Variants in CCDC148 observed in about 807,000 individuals in gnomAD.
CCDC148 encodes the protein coiled-coil domain containing 148.
In CCDC148, 89 loss-of-function variants were observed where a neutral mutation model predicts 85.7. That is an observed-to-expected ratio of 1.04 (90% confidence interval 0.87 to 1.24). CCDC148 has a LOEUF of 1.24. Ranked by LOEUF, CCDC148 falls within the 50% of genes most tolerant of loss-of-function variation. The probability of loss-of-function intolerance (pLI) is 0.00; values close to 1 mark genes in which losing one functional copy is unlikely to be tolerated. For missense variants in CCDC148, 692 were observed against 671.7 expected (o/e 1.03, Z -0.33); for synonymous variants, 230 against 213.9 (o/e 1.08, Z -0.66).
intron 1 of CCDC148, among the ~76,000 whole-genome samples, chr2:158,410,344 ATATT>A (rs1250101285): frequency 2.0e-5 from 3 of 152,164 alleles, no homozygotes; most frequent in African/African-American, 7.2e-5. Flanking sequence ...TAATCCATTT[ATATT>A]TAATGTAATT....
intron 3 of CCDC148, among the ~76,000 whole-genome samples, chr2:158,341,968 A>T: frequency 1.5e-5 from 2 of 135,806 alleles, no homozygotes; most frequent in Admixed American, 7.4e-5. Flanking sequence ...AGTTTTCATA[A>T]TTATCATTTA....
intron 10 of CCDC148, among the ~76,000 whole-genome samples, chr2:158,248,871 G>A (rs1042262783): frequency 6.6e-6 from 1 of 152,056 alleles, no homozygotes; most frequent in Non-Finnish European, 1.5e-5. Flanking sequence ...CCCTTTGGGT[G>A]CCTCAGCCAT....
intron 1 of CCDC148, among the ~76,000 whole-genome samples, chr2:158,416,614 C>A (rs1293826951): frequency 1.3e-5 from 2 of 152,214 alleles, no homozygotes; most frequent in Non-Finnish European, 2.9e-5. Context: ...CCACCTGAGA[C>A]CACATCAGCC....
chr2:158,439,657 G>A (rs1293635220), intron 1 of CCDC148, among the ~76,000 whole-genome samples: 1 of 151,982 alleles, frequency 6.6e-6, no homozygotes, highest in Non-Finnish European at 1.5e-5. Context: ...ATAGTTACAT[G>A]ACATTAGCCA....
In CCDC148 at chr2:158,327,576, A is replaced by T. The variant is rs1463893761; in HGVS notation, c.764+11150T>A. 2.0e-5 allele frequency among the ~76,000 whole-genome samples: 3 copies of T among 152,174 alleles called. No homozygotes were observed. In the East Asian group the frequency reaches 5.8e-4, roughly 29 times the overall value. ...GTCTGAGCCCAAATCACATCCATTG[A>T]CTGATCTGTTCATGGCAACATGCTA... On this transcript the variant is annotated intron_variant, in intron 7 of 13. Transcript: ENST00000283233.
chr2:158,206,777 T>A (rs1266154289), intron 11 of CCDC148, among the ~76,000 whole-genome samples: 1 of 152,134 alleles, frequency 6.6e-6, no homozygotes, highest in Non-Finnish European at 1.5e-5. Flanking sequence ...TAGTCCAGAG[T>A]GCCCATGTAT....
intron 1 of CCDC148, among the ~76,000 whole-genome samples, chr2:158,397,545 G>A (rs1685577838): frequency 6.6e-6 from 1 of 152,164 alleles, no homozygotes; most frequent in South Asian, 2.1e-4. Flanking sequence ...ATAAGTGAAG[G>A]AGAAATAAAA....
chr2:158,368,606 T>C (rs1298918798), intron 1 of CCDC148, among the ~76,000 whole-genome samples: 1 of 152,076 alleles, frequency 6.6e-6, no homozygotes, highest in Non-Finnish European at 1.5e-5. Flanking sequence ...TTAGATCTAC[T>C]CAATTATGGA....
intron 1 of CCDC148, among the ~76,000 whole-genome samples, chr2:158,360,876 C>T (rs1165327107): frequency 6.6e-6 from 1 of 151,610 alleles, no homozygotes; most frequent in Non-Finnish European, 1.5e-5. Context: ...AACAAACTCC[C>T]CCAAGCTAAA....
intron 9 of CCDC148, among the ~76,000 whole-genome samples, chr2:158,252,856 A>G (rs1261197344): frequency 6.6e-6 from 1 of 151,668 alleles, no homozygotes; most frequent in Non-Finnish European, 1.5e-5. Flanking sequence ...CCTATGTTAA[A>G]CTCTTTAAGA....
chr2:158,276,812 A>C (rs1280313724), intron 9 of CCDC148, among the ~76,000 whole-genome samples: 3 of 152,256 alleles, frequency 2.0e-5, no homozygotes, highest in Non-Finnish European at 4.4e-5. Flanking sequence ...AAGGCCACTT[A>C]GGTCAGACTA....
At chr2:158,259,829 G>A (rs968407538) in intron 9 of CCDC148, among the ~76,000 whole-genome samples, 12 of 151,472 alleles carry the variant, frequency 7.9e-5, no homozygotes, top group African/African-American at 9.7e-5. Flanking sequence ...ACTCCTACAC[G>A]TCCTTGCTTA....
chr2:158,309,519 CAGTG>C lies in CCDC148; in HGVS notation c.1020_1023del (p.Thr341ArgfsTer26). 1 of 1,614,090 alleles carries C rather than the reference CAGTG, an allele frequency of 6.2e-7. No homozygotes were observed. The stretch of plus-strand genomic sequence containing the variant: ...TCCATTTCATGTGTTGCACAAGCCT[CAGTG>C]AGTGTCAGCACAGCCTTCTGTATAA... On this transcript the variant is annotated frameshift_variant, in exon 9 of 14. Transcript: ENST00000283233. LOFTEE classifies it high-confidence loss of function.
chr2:158,429,815 G>A (rs147098786), intron 1 of CCDC148, among the ~76,000 whole-genome samples: 1 of 152,278 alleles, frequency 6.6e-6, no homozygotes, highest in African/African-American at 2.4e-5. Context: ...TGTGATCACT[G>A]AAGAAAATGA....
intron 11 of CCDC148, among the ~76,000 whole-genome samples, chr2:158,179,203 G>A (rs116731786): frequency 0.024 from 2,086 of 87,332 alleles, 83 homozygotes; most frequent in African/African-American, 0.081. Flanking sequence ...ACACAGTCTT[G>A]GCTTGAGTGC....
At chr2:158,232,672 C>T (rs775639209) in intron 10 of CCDC148, among the ~76,000 whole-genome samples, 3 of 152,154 alleles carry the variant, frequency 2.0e-5, no homozygotes, top group Non-Finnish European at 4.4e-5. Context: ...TGACCTGTGA[C>T]TCAGTCAGAA....
chr2:158,224,332 C>T (rs1442362461), intron 10 of CCDC148, among the ~76,000 whole-genome samples: 5 of 152,206 alleles, frequency 3.3e-5, no homozygotes, highest in Admixed American at 2.6e-4. Context: ...ACCAAATCTA[C>T]ATCTGATTGG....
chr2:158,232,861 G>A (rs1192677071), intron 10 of CCDC148, among the ~76,000 whole-genome samples: 1 of 152,110 alleles, frequency 6.6e-6, no homozygotes, highest in Non-Finnish European at 1.5e-5. Context: ...TAGAGGCTGG[G>A]AAGGGTAAGG....
chr2:158,336,290 A>G (rs1361155275), intron 7 of CCDC148, among the ~76,000 whole-genome samples: 4 of 152,186 alleles, frequency 2.6e-5, no homozygotes, highest in African/African-American at 9.7e-5. Flanking sequence ...CCACCTCTGT[A>G]TTTATTCAAA....
Sources: allele counts gnomAD v4.1 joint callset (sites outside exome capture counted in the v4.1 genomes callset), GRCh38; gene constraint gnomAD v4.1.1; transcripts MANE v1.5; gene names NCBI Gene and HGNC (gene_info 2026-07-23, HGNC 2026-07-21).